The following CNOT4 variants were observed in gnomAD, a reference collection of about 807,000 sequenced individuals.
CNOT4 encodes CCR4-associated factor 4.
In CNOT4, 8 loss-of-function variants were observed where a neutral mutation model predicts 73.8. That is an observed-to-expected ratio of 0.11 (90% CI 0.06 to 0.20). CNOT4 has a LOEUF of 0.20. Ranked by LOEUF, CNOT4 falls within the 10% of genes least tolerant of loss-of-function variation. The pLI, the probability that CNOT4 is intolerant of heterozygous loss-of-function variation, is 1.00. For synonymous variants in CNOT4, 293 were observed against 321.1 expected (o/e 0.91, Z 0.94); for missense variants, 564 against 883.4 (o/e 0.64, Z 4.58).
intron 10 of CNOT4, chr7:135,386,390 G>GCA (rs756862902): frequency 1.2e-4 from 18 of 152,042 alleles, no homozygotes; most frequent in Non-Finnish European, 2.5e-4. Flanking sequence ...TGCACATGAT[G>GCA]CATCATGCAG....
In CNOT4 at chr7:135,362,441, TC is replaced by T. The variant is rs2129482266; in HGVS notation, c.*443del. 1.1e-5 allele frequency: 3 copies of T among 283,732 alleles called. No individual in the cohort carries two copies. The highest frequency in any genetic ancestry group is 9.2e-5 in the East Asian group (1 of 10,870). The allele number at this position is 283,732 out of a possible 1,614,324, so 17.6% of individuals were successfully genotyped here. A position where few individuals can be genotyped will look rare whatever the true frequency, so the allele number is the denominator to read the frequency against. On this transcript the variant is annotated 3_prime_UTR_variant, in exon 12 of 12. Transcript: ENST00000541284. The stretch of plus-strand genomic sequence containing the variant: ...AAGATGGATGCTAGGACCACTGCTT[TC>T]CCCCATGCATTTAGCAATCTCACGT...
intron 1 of CNOT4, among the ~76,000 whole-genome samples, chr7:135,505,853 T>C (rs546149170): frequency 3.3e-5 from 5 of 152,194 alleles, no homozygotes; most frequent in Non-Finnish European, 5.9e-5. Context: ...ACCAGTTAGA[T>C]TCTATTATAG....
chr7:135,421,565 C>T (rs1447038155), intron 3 of CNOT4, among the ~76,000 whole-genome samples: 1 of 152,070 alleles, frequency 6.6e-6, no homozygotes, highest in African/African-American at 2.4e-5. Context: ...AAAAGAGGTA[C>T]TAAGAAACAA....
intron 1 of CNOT4, among the ~76,000 whole-genome samples, chr7:135,492,103 A>T (rs1191899511): frequency 6.6e-6 from 1 of 152,148 alleles, no homozygotes; most frequent in Non-Finnish European, 1.5e-5. Context: ...ACTGAGAGTG[A>T]GTATGAGGAA....
chr7:135,424,066 C>T, intron 2 of CNOT4, among the ~76,000 whole-genome samples: 1 of 151,030 alleles, frequency 6.6e-6, no homozygotes, highest in Non-Finnish European at 1.5e-5. Flanking sequence ...CACACACACA[C>T]ACACACACAC....
chr7:135,408,729 G>A lies in CNOT4; in HGVS notation c.821+1786C>T, dbSNP rs1797437151. Among the ~76,000 whole-genome samples, 3 of 152,134 alleles carry A rather than the reference G, an allele frequency of 2.0e-5. No homozygotes were observed. The South Asian group carries it at 6.2e-4, about 32-fold the overall frequency. ...CTTTGGGATGTGGGAGGAAACCAGAGTGCCCAGAGGAAATCCACGCAGACA... is the reference window on the plus strand; with the variant it reads ...CTTTGGGATGTGGGAGGAAACCAGAATGCCCAGAGGAAATCCACGCAGACA... On this transcript the variant is annotated intron_variant, in intron 7 of 11. Coordinates refer to ENST00000541284, the MANE Select transcript of CNOT4 (RefSeq NM_001190850.2).
intron 10 of CNOT4, among the ~76,000 whole-genome samples, chr7:135,370,261 A>G (rs1480824378): frequency 6.6e-6 from 1 of 152,222 alleles, no homozygotes; most frequent in African/African-American, 2.4e-5. Flanking sequence ...AGCAGAAACA[A>G]CCTGAACAAA....
chr7:135,504,574 C>T (rs184061850), intron 1 of CNOT4, among the ~76,000 whole-genome samples: 1 of 110,272 alleles, frequency 9.1e-6, no homozygotes, highest in East Asian at 2.4e-4. Context: ...GCAAGCTCCG[C>T]CTCCCGGGTT....
At chr7:135,392,915 T>C (rs1012172105) in intron 10 of CNOT4, among the ~76,000 whole-genome samples, 10 of 151,698 alleles carry the variant, frequency 6.6e-5, no homozygotes, top group African/African-American at 2.4e-4. Context: ...TTGCTGCTGA[T>C]AAAAGTATCC....
At position 135,394,183 on chromosome 7, in the gene CNOT4, C is replaced by T; in HGVS notation, c.1362G>A (p.Leu454=). Residue 454 remains leucine, a synonymous_variant, in exon 10 of 12, where the codon CTG becomes CTA. Coordinates refer to ENST00000541284, the MANE Select transcript of CNOT4 (RefSeq NM_001190850.2). ...TTAKGPGSGF[L]HPAAATNANS... ...TGGCATTTGTAGCTGCAGCAGGATG[C>T]AGGAATCCAGAGCCTGGACCTTTGG... is the stretch of plus-strand genomic sequence containing the variant. 6.2e-7 allele frequency: 1 copy of T among 1,614,148 alleles called. No homozygotes were observed. Among genetic ancestry groups the T allele is most frequent in the East Asian group, 2.2e-5 (1 of 44,882 alleles).
At chr7:135,456,564 C>T (rs1281217167) in intron 1 of CNOT4, among the ~76,000 whole-genome samples, 1 of 151,912 alleles carries the variant, frequency 6.6e-6, no homozygotes, top group Non-Finnish European at 1.5e-5. Context: ...CAGGACCTCC[C>T]CACCTTCTAT....
At chr7:135,446,321 AT>A (rs1799820551) in intron 1 of CNOT4, among the ~76,000 whole-genome samples, 1 of 152,196 alleles carries the variant, frequency 6.6e-6, no homozygotes, top group African/African-American at 2.4e-5. Flanking sequence ...TGCTGAAAAA[AT>A]TTCTGGAAAC....
At chr7:135,454,768 T>C (rs1479088809) in intron 1 of CNOT4, among the ~76,000 whole-genome samples, 1 of 152,018 alleles carries the variant, frequency 6.6e-6, no homozygotes, top group Admixed American at 6.6e-5. Context: ...GGCGTGTGCC[T>C]GTAGTCCCAG....
At chr7:135,492,316 G>C (rs1362391629) in intron 1 of CNOT4, among the ~76,000 whole-genome samples, 2 of 152,140 alleles carry the variant, frequency 1.3e-5, no homozygotes, top group African/African-American at 4.8e-5. Context: ...CACAGATGTA[G>C]ATATGAAGTA....
chr7:135,391,971 A>G (rs1395606828), intron 10 of CNOT4, among the ~76,000 whole-genome samples: 2 of 152,006 alleles, frequency 1.3e-5, no homozygotes, highest in East Asian at 3.9e-4. Context: ...CATCCATTAT[A>G]TCTATACAAT....
At chr7:135,495,781 G>C (rs959647067) in intron 1 of CNOT4, among the ~76,000 whole-genome samples, 10 of 149,658 alleles carry the variant, frequency 6.7e-5, no homozygotes. Flanking sequence ...GAACATTCAG[G>C]GCTGGGTGGG....
intron 1 of CNOT4, among the ~76,000 whole-genome samples, chr7:135,439,733 C>T (rs1799361686): frequency 1.3e-5 from 2 of 152,178 alleles, no homozygotes; most frequent in Admixed American, 1.3e-4. Flanking sequence ...TGAGCTATAA[C>T]TGTGCCACCA....
chr7:135,474,379 G>A (rs1478288605), intron 1 of CNOT4, among the ~76,000 whole-genome samples: 1 of 149,278 alleles, frequency 6.7e-6, no homozygotes, highest in Non-Finnish European at 1.5e-5. Context: ...TCATCTCCTG[G>A]GTTCGAGCAA....
chr7:135,425,708 A>G (rs138728940), intron 2 of CNOT4, among the ~76,000 whole-genome samples: 2 of 152,332 alleles, frequency 1.3e-5, no homozygotes, highest in African/African-American at 4.8e-5. Context: ...CACCTGAAAA[A>G]TATAAAATAT....
Sources: allele counts gnomAD v4.1 joint callset (sites outside exome capture counted in the v4.1 genomes callset), GRCh38; gene constraint gnomAD v4.1.1; transcripts MANE v1.5; gene names NCBI Gene and HGNC (gene_info 2026-07-23, HGNC 2026-07-21).